CHRNA2: variants seen among roughly 807,000 people sequenced by gnomAD.
CHRNA2 encodes the protein neuronal acetylcholine receptor subunit alpha-2.
CHRNA2 carries 40 observed loss-of-function variants against 45.5 expected under a neutral mutation model. That is an observed-to-expected ratio of 0.88 (90% CI 0.68 to 1.15). The LOEUF (loss-of-function observed/expected upper bound fraction) is 1.15, where lower values mean the gene tolerates loss of function less well. Among genes scored for constraint, CHRNA2 ranks in the 50% most tolerant of loss-of-function variants. CHRNA2 has a pLI of 0.00. For missense variants in CHRNA2, 655 were observed against 701.7 expected (o/e 0.93, Z 0.75); for synonymous variants, 301 against 296.7 (o/e 1.01, Z -0.15).
chr8:27,477,724 C>T (rs1460570906), intron 1 of CHRNA2, among the ~76,000 whole-genome samples: 2 of 152,074 alleles, frequency 1.3e-5, no homozygotes, highest in African/African-American at 4.8e-5. Context: ...ACACTTTGAC[C>T]CTCTAAGTGG....
At chr8:27,466,383 T>A (rs1457539294) in intron 5 of CHRNA2, among the ~76,000 whole-genome samples, 1 of 152,348 alleles carries the variant, frequency 6.6e-6, no homozygotes, top group East Asian at 1.9e-4. Flanking sequence ...GCTGCAGAAC[T>A]TCAAATAACA....
chr8:27,463,674 A>G lies in CHRNA2; in HGVS notation c.769T>C (p.Tyr257His), dbSNP rs1290255147. The G allele has an allele frequency of 1.9e-6, 3 of 1,613,994 alleles. No homozygotes were observed. The highest frequency in any genetic ancestry group is 1.3e-5 in the African/African-American group (1 of 74,884). The change falls in exon 6 of 7, where the codon TAC becomes CAC. Residue 257 changes from tyrosine to histidine, a missense_variant. Coordinates refer to ENST00000407991, the MANE Select transcript of CHRNA2 (RefSeq NM_000742.4). This position sits in a 1 kb window ranked among gnomAD's most constrained non-coding sequence, Gnocchi z 6.1. ...CCAEIYPDVT[Y>H]AFVIRRLPLF... ...GGCAGCCGCCGGATGACGAAGGCGT[A>G]GGTGACGTCGGGGTAGATCTCGGCG...
chr8:27,462,467 T>G (rs1171109599), intron 6 of CHRNA2, among the ~76,000 whole-genome samples: 1 of 150,858 alleles, frequency 6.6e-6, no homozygotes, highest in Non-Finnish European at 1.5e-5. Flanking sequence ...GGGAGCGGAG[T>G]CCACCTGGCA....
chr8:27,470,587 G>T (rs1812849550), intron 2 of CHRNA2, among the ~76,000 whole-genome samples: 1 of 152,220 alleles, frequency 6.6e-6, no homozygotes, highest in Non-Finnish European at 1.5e-5. Context: ...GGGCTCTGCT[G>T]TCCGAGCGAG....
intron 5 of CHRNA2, among the ~76,000 whole-genome samples, chr8:27,464,910 C>A (rs1340213078): frequency 6.6e-6 from 1 of 152,174 alleles, no homozygotes; most frequent in Non-Finnish European, 1.5e-5. Flanking sequence ...ACCACTGCAA[C>A]ATCAGGCAGG....
chr8:27,464,800 C>G (rs570537305), intron 5 of CHRNA2, among the ~76,000 whole-genome samples: 24 of 152,248 alleles, frequency 1.6e-4, no homozygotes, highest in Non-Finnish European at 3.1e-4. Flanking sequence ...CGTTTTTGAG[C>G]CCCTCATCCG....
rs762588688 is a variant in CHRNA2, at chr8:27,463,921, C to T, written c.522G>A (p.Val174=). ...HLFSTGTVHW[V]PPAIYKSSCS... is the part of the protein sequence containing the mutation. ...AGGAGCTCTTGTAGATGGCCGGGGG[C>T]ACCCAGTGCACAGTGCCCGTGGAGA... The change falls in exon 6 of 7, where the codon GTG becomes GTA. Residue 174 remains valine (V), a synonymous_variant. Coordinates refer to ENST00000407991, the MANE Select transcript of CHRNA2 (RefSeq NM_000742.4). This position sits in a 1 kb window ranked among gnomAD's most constrained non-coding sequence, Gnocchi z 6.1. The T allele has an allele frequency of 6.2e-7, 1 of 1,614,194 alleles. No homozygotes were observed. The highest frequency in any genetic ancestry group is 1.1e-5 in the South Asian group (1 of 91,076).
chr8:27,462,756 C>A (rs1441576228), intron 6 of CHRNA2, among the ~76,000 whole-genome samples: 1 of 152,216 alleles, frequency 6.6e-6, no homozygotes, highest in Non-Finnish European at 1.5e-5. Flanking sequence ...GCTGCTCATG[C>A]CTGACTCCGT....
chr8:27,464,468 T>C (rs188230481), intron 5 of CHRNA2, among the ~76,000 whole-genome samples: 135 of 152,182 alleles, frequency 8.9e-4, no homozygotes, highest in African/African-American at 2.9e-3. Flanking sequence ...GAGAAGGAGA[T>C]AGCATTCAAA....
Position 27,479,205 on chromosome 8 carries a change from C to A in CHRNA2, c.-518G>T. ...GCCTGGCCCCAGGAGGGGATGAGGG[C>A]TCAGCACACAAGCACACAGGCTCAC... On this transcript the variant is annotated 5_prime_UTR_variant, in exon 1 of 7. Transcript: ENST00000407991. 6.5e-6 allele frequency: 1 copy of A among 154,302 alleles called. No homozygotes were observed. Among genetic ancestry groups the A allele is most frequent in the East Asian group, 1.9e-4 (1 of 5,222 alleles). 9.6% of individuals were successfully genotyped at this position (154,302 alleles called of 1,614,324 possible).
intron 1 of CHRNA2, among the ~76,000 whole-genome samples, chr8:27,477,578 C>T (rs1388333883): frequency 3.3e-5 from 5 of 152,024 alleles, no homozygotes; most frequent in Non-Finnish European, 5.9e-5. Context: ...AACCTGCATC[C>T]CCTGTGATAA....
intron 4 of CHRNA2, 52 bp downstream of exon 4, chr8:27,469,283 G>A (rs985900885): frequency 6.6e-7 from 1 of 1,523,554 alleles, no homozygotes; most frequent in Non-Finnish European, 8.9e-7. Context: ...GGGGTCTGGG[G>A]TCCATGGATT....
chr8:27,461,448 GCTGTCAGCC>G lies in CHRNA2; in HGVS notation c.*172_*180del. The G allele has an allele frequency of 2.4e-6, 2 of 835,776 alleles. No homozygotes were observed. The highest frequency in any genetic ancestry group is 3.7e-6 in the Non-Finnish European group (2 of 544,342). 51.8% of individuals were successfully genotyped at this position (835,776 alleles called of 1,614,324 possible). A position where few individuals can be genotyped will look rare whatever the true frequency, so the allele number is the denominator to read the frequency against. On this transcript the variant is annotated 3_prime_UTR_variant, in exon 7 of 7. Coordinates refer to ENST00000407991, the MANE Select transcript of CHRNA2 (RefSeq NM_000742.4). Reference sequence around the variant, plus strand: ...CAAAACAGGGCTTTGCACCCAGCAGGCTGTCAGCCCTGGTACAATAACGTTAAGCTGGAT... The same window carrying G: ...CAAAACAGGGCTTTGCACCCAGCAGGCTGGTACAATAACGTTAAGCTGGAT...
At chr8:27,474,239 G>A (rs1812993540) in intron 1 of CHRNA2, among the ~76,000 whole-genome samples, 2 of 152,184 alleles carry the variant, frequency 1.3e-5, no homozygotes, top group African/African-American at 4.8e-5. Flanking sequence ...ATTTCAATGT[G>A]TTGGAATTGC....
rs1462419455 is a variant in CHRNA2, at chr8:27,463,407, T to C, written c.1036A>G (p.Thr346Ala). The change falls in exon 6 of 7, where the codon ACC becomes GCC. Residue 346 changes from threonine (T) to alanine (A), a missense_variant. By Grantham distance (58) the Thr-to-Ala change is moderately conservative. Around this residue, in one of 3 missense-constraint regions of CHRNA2, gnomAD observed 295 missense variants for 280.4 expected, o/e 1.05. Coordinates refer to ENST00000407991, the MANE Select transcript of CHRNA2 (RefSeq NM_000742.4). The surrounding 1 kb of genome is among the most constrained non-coding windows in gnomAD (Gnocchi z 6.1). ...TGGTGCACATTGAGCACGAAGACGG[T>C]GATGACGATGGACAGGGTGACGAAG... ...MIFVTLSIVITVFVLNVHHRS... is the reference protein window; with the variant it reads ...MIFVTLSIVIAVFVLNVHHRS... 6.2e-7 allele frequency: 1 copy of C among 1,613,926 alleles called. No individual in the cohort carries two copies. The highest frequency in any genetic ancestry group is 8.5e-7 in the Non-Finnish European group (1 of 1,179,996).
Position 27,461,467 on chromosome 8 carries a change from T to C in CHRNA2, c.*162A>G. The C allele has an allele frequency of 1.0e-6, 1 of 998,886 alleles. No homozygotes were observed. The highest frequency in any genetic ancestry group is 1.5e-6 in the Non-Finnish European group (1 of 680,314). The allele number at this position is 998,886 out of a possible 1,614,324, so 61.9% of individuals were successfully genotyped here. A position where few individuals can be genotyped will look rare whatever the true frequency, so the allele number is the denominator to read the frequency against. ...CAGCAGGCTGTCAGCCCTGGTACAA[T>C]AACGTTAAGCTGGATGGAAGCCTGC... On this transcript the variant is annotated 3_prime_UTR_variant, in exon 7 of 7. Transcript: ENST00000407991.
rs1390343038 is a variant in CHRNA2 at position 27,471,171 on chromosome 8, C to T, written c.-113G>A. ...TCTGTGAGGATTCTGCTGGATTCTG[C>T]GAGGCTTCCTCTCACCACCGAACCT... On this transcript the variant is annotated 5_prime_UTR_variant, in exon 2 of 7. Transcript: ENST00000407991. 9 of 1,033,582 alleles carry T rather than the reference C, an allele frequency of 8.7e-6. No homozygotes were observed. The highest frequency in any genetic ancestry group is 1.3e-5 in the Non-Finnish European group (9 of 673,920). 64.0% of individuals were successfully genotyped at this position (1,033,582 alleles called of 1,614,324 possible). A position where few individuals can be genotyped will look rare whatever the true frequency, so the allele number is the denominator to read the frequency against.
intron 5 of CHRNA2, among the ~76,000 whole-genome samples, chr8:27,464,790 C>A (rs1036666195): frequency 1.3e-5 from 2 of 152,070 alleles, no homozygotes; most frequent in South Asian, 2.1e-4. Context: ...ATTTAACATG[C>A]GTTTTTGAGC....
At chr8:27,474,882 C>T (rs866066689) in intron 1 of CHRNA2, among the ~76,000 whole-genome samples, 1 of 152,242 alleles carries the variant, frequency 6.6e-6, no homozygotes, top group South Asian at 2.1e-4. Flanking sequence ...CTCTGGCCCT[C>T]GAAGGTGCAG....
Sources: gnomAD v4.1 joint callset for allele counts (sites outside exome capture counted in the v4.1 genomes callset) on GRCh38, gnomAD v4.1.1 for gene constraint, gnomAD v4.1.1 regional missense constraint, Gnocchi (gnomAD v3.1) non-coding constraint, MANE v1.5 for transcripts, NCBI Gene and HGNC (gene_info 2026-07-23, HGNC 2026-07-21) for gene names.